DLG2: variants seen among roughly 807,000 people sequenced by gnomAD.
DLG2 encodes the protein disks large homolog 2.
Under a neutral mutation model 132.5 loss-of-function variants are expected in DLG2, and 45 were observed. That is an observed-to-expected ratio of 0.34 (90% confidence interval 0.27 to 0.44). The LOEUF is 0.44. Ranked by LOEUF, DLG2 falls within the 20% of genes least tolerant of loss-of-function variation. The probability of loss-of-function intolerance (pLI) is 1.00; values close to 1 mark genes in which losing one functional copy is unlikely to be tolerated. For synonymous variants in DLG2, 424 were observed against 419.6 expected (o/e 1.01, Z -0.13); for missense variants, 1,045 against 1,196.9 (o/e 0.87, Z 1.87).
At chr11:84,106,819 G>T (rs905710474) in intron 9 of DLG2, among the ~76,000 whole-genome samples, 1 of 122,162 alleles carries the variant, frequency 8.2e-6, no homozygotes, top group African/African-American at 4.4e-5. Flanking sequence ...TTATCTGTGT[G>T]TGTGTGTGTG....
chr11:85,107,593 TG>T (rs1422598961), intron 6 of DLG2, among the ~76,000 whole-genome samples: 5 of 152,038 alleles, frequency 3.3e-5, no homozygotes, highest in Admixed American at 3.3e-4. Context: ...ATTCTTCAGC[TG>T]AGTCCTAGAA....
intron 7 of DLG2, chr11:84,317,323 C>T (rs866299370): frequency 1.1e-5 from 16 of 1,424,264 alleles, no homozygotes; most frequent in Middle Eastern, 2.6e-4. Context: ...ACAGCAGCTC[C>T]GCACAGCATT....
chr11:84,607,957 GA>G (rs1307854555), intron 6 of DLG2, among the ~76,000 whole-genome samples: 2 of 152,106 alleles, frequency 1.3e-5, no homozygotes, highest in African/African-American at 4.8e-5. Context: ...CAGTCTCTCT[GA>G]ACAGCTTTTC....
intron 3 of DLG2, among the ~76,000 whole-genome samples, chr11:85,494,508 A>C (rs1321836795): frequency 6.6e-6 from 1 of 152,148 alleles, no homozygotes; most frequent in Non-Finnish European, 1.5e-5. Context: ...AAAAAAAGGA[A>C]AGTAAGCAAT....
At chr11:84,438,448 G>A (rs1037049075) in intron 7 of DLG2, among the ~76,000 whole-genome samples, 2 of 151,402 alleles carry the variant, frequency 1.3e-5, no homozygotes, top group African/African-American at 4.9e-5. Context: ...ACTAAAAAGA[G>A]CAAACTACTC....
At chr11:84,747,945 C>G (rs1298388665) in intron 6 of DLG2, among the ~76,000 whole-genome samples, 1 of 152,176 alleles carries the variant, frequency 6.6e-6, no homozygotes, top group African/African-American at 2.4e-5. Flanking sequence ...CTAGACTAGA[C>G]AAGTCATTTT....
chr11:84,812,440 T>G (rs1287610708), intron 6 of DLG2, among the ~76,000 whole-genome samples: 1 of 152,140 alleles, frequency 6.6e-6, no homozygotes, highest in African/African-American at 2.4e-5. Flanking sequence ...TAAAATTTTT[T>G]TAAAGCCTCA....
chr11:85,410,511 A>G (rs1200866152), intron 3 of DLG2, among the ~76,000 whole-genome samples: 1 of 151,802 alleles, frequency 6.6e-6, no homozygotes, highest in African/African-American at 2.4e-5. Context: ...CTTCACTACA[A>G]TCTGCCCCAA....
At chr11:84,923,249 C>T in intron 6 of DLG2, 1 of 1,517,008 alleles carries the variant, frequency 6.6e-7, no homozygotes, top group South Asian at 1.3e-5. Context: ...GCATTGATCT[C>T]TGTTTTCTCT....
intron 11 of DLG2, among the ~76,000 whole-genome samples, chr11:83,986,329 A>C (rs1186429318): frequency 6.6e-6 from 1 of 151,592 alleles, no homozygotes; most frequent in Non-Finnish European, 1.5e-5. Context: ...TTGTTCTTGC[A>C]ATAGTTTACT....
At chr11:83,504,023 T>C (rs2094574989) in intron 21 of DLG2, among the ~76,000 whole-genome samples, 2 of 152,206 alleles carry the variant, frequency 1.3e-5, no homozygotes, top group Non-Finnish European at 2.9e-5. Flanking sequence ...ACAATACTTC[T>C]ATGCTGATGT....
chr11:84,779,190 G>A (rs543603761), intron 6 of DLG2, among the ~76,000 whole-genome samples: 1 of 135,778 alleles, frequency 7.4e-6, no homozygotes, highest in African/African-American at 2.7e-5. Flanking sequence ...ATATATATAT[G>A]TGCGCACACA....
intron 3 of DLG2, among the ~76,000 whole-genome samples, chr11:85,575,473 G>C (rs1371154587): frequency 2.0e-5 from 3 of 150,042 alleles, no homozygotes; most frequent in Non-Finnish European, 4.4e-5. Flanking sequence ...CCAGGAGGTA[G>C]AGACTGCAAT....
At chr11:85,473,480 T>G (rs1050715223) in intron 3 of DLG2, among the ~76,000 whole-genome samples, 2 of 152,174 alleles carry the variant, frequency 1.3e-5, no homozygotes, top group Admixed American at 1.3e-4. Flanking sequence ...AACTATATTT[T>G]TTAAAAAATT....
intron 4 of DLG2, among the ~76,000 whole-genome samples, chr11:85,169,164 T>TTCCC (rs2078669748): frequency 1.3e-5 from 2 of 152,208 alleles, no homozygotes; most frequent in African/African-American, 2.4e-5. Flanking sequence ...ATAGTTGTTG[T>TTCCC]ACTGTATTTT....
intron 6 of DLG2, among the ~76,000 whole-genome samples, chr11:84,821,904 A>C (rs897144231): frequency 6.6e-6 from 1 of 151,856 alleles, no homozygotes; most frequent in Non-Finnish European, 1.5e-5. Context: ...ATCAAACAAG[A>C]AACAAGCAGA....
intron 6 of DLG2, among the ~76,000 whole-genome samples, chr11:84,702,227 G>C (rs1253845882): frequency 6.6e-6 from 1 of 151,584 alleles, no homozygotes; most frequent in Non-Finnish European, 1.5e-5. Context: ...ACCTCTCAAA[G>C]CTGGGATTTT....
At chr11:84,161,670 C>G (rs750729129) in intron 9 of DLG2, among the ~76,000 whole-genome samples, 1 of 152,060 alleles carries the variant, frequency 6.6e-6, no homozygotes, top group Non-Finnish European at 1.5e-5. Flanking sequence ...GTGTTCTATT[C>G]AAGATGGTGA....
At chr11:84,872,583 T>C (rs1230817649) in intron 6 of DLG2, among the ~76,000 whole-genome samples, 1 of 152,198 alleles carries the variant, frequency 6.6e-6, no homozygotes, top group Non-Finnish European at 1.5e-5. Context: ...TCATCAATAA[T>C]TTCACAAAAG....
Sources: gnomAD v4.1 joint callset for allele counts (sites outside exome capture counted in the v4.1 genomes callset) on GRCh38, gnomAD v4.1.1 for gene constraint, MANE v1.5 for transcripts, NCBI Gene and HGNC (gene_info 2026-07-23, HGNC 2026-07-21) for gene names.